Variants in KBTBD12 observed in about 807,000 individuals in gnomAD.
KBTBD12 encodes kelch repeat and BTB domain-containing protein 12.
KBTBD12 carries 53 observed loss-of-function variants against 58.7 expected under a neutral mutation model. The ratio of observed to expected loss-of-function variants is 0.90; its 90% CI spans 0.72 to 1.14. The LOEUF (loss-of-function observed/expected upper bound fraction) is 1.14. KBTBD12 is among the 50% of genes most tolerant of loss of function. The pLI is 0.00. For synonymous variants in KBTBD12, 236 were observed against 259.8 expected (o/e 0.91, Z 0.88); for missense variants, 704 against 751.3 (o/e 0.94, Z 0.74).
intron 4 of KBTBD12, among the ~76,000 whole-genome samples, chr3:127,939,310 G>A (rs1939897032): frequency 6.6e-6 from 1 of 152,100 alleles, no homozygotes; most frequent in South Asian, 2.1e-4. Flanking sequence ...AGCCCAACAA[G>A]CTTCCAAATG....
At chr3:127,939,511 A>G (rs1440469343) in intron 4 of KBTBD12, among the ~76,000 whole-genome samples, 1 of 152,166 alleles carries the variant, frequency 6.6e-6, no homozygotes, top group Non-Finnish European at 1.5e-5. Flanking sequence ...TATAAGGCGA[A>G]GATTCCAACA....
chr3:127,937,111 G>A (rs1939845794), intron 4 of KBTBD12, among the ~76,000 whole-genome samples: 1 of 151,994 alleles, frequency 6.6e-6, no homozygotes, highest in African/African-American at 2.4e-5. Flanking sequence ...AGGAAAATAA[G>A]CATTCCACAG....
intron 4 of KBTBD12, among the ~76,000 whole-genome samples, chr3:127,960,030 C>T (rs1434771327): frequency 6.6e-6 from 1 of 152,192 alleles, no homozygotes; most frequent in Non-Finnish European, 1.5e-5. Context: ...TTACAAACCC[C>T]CACCTCCTGT....
chr3:127,970,510 A>C (rs1940664636), intron 5 of KBTBD12, among the ~76,000 whole-genome samples: 1 of 152,252 alleles, frequency 6.6e-6, no homozygotes, highest in Non-Finnish European at 1.5e-5. Flanking sequence ...AAAAGTGGAA[A>C]CAACCCAAGT....
intron 2 of KBTBD12, among the ~76,000 whole-genome samples, chr3:127,925,004 G>A (rs908573464): frequency 6.6e-6 from 1 of 152,122 alleles, no homozygotes; most frequent in South Asian, 2.1e-4. Context: ...CTTTTACCAT[G>A]GTTTGTTCAG....
At chr3:127,939,662 T>A (rs1314294364) in intron 4 of KBTBD12, among the ~76,000 whole-genome samples, 1 of 151,452 alleles carries the variant, frequency 6.6e-6, no homozygotes, top group East Asian at 1.9e-4. Flanking sequence ...GAAAAATGTT[T>A]AAATAATTTA....
intron 5 of KBTBD12, among the ~76,000 whole-genome samples, chr3:127,983,613 C>T (rs1940913157): frequency 6.6e-6 from 1 of 152,080 alleles, no homozygotes; most frequent in African/African-American, 2.4e-5. Flanking sequence ...ATTAGCCAGG[C>T]ATGGTGGCAT....
chr3:127,951,859 T>C (rs1244404282), intron 4 of KBTBD12, among the ~76,000 whole-genome samples: 2 of 152,212 alleles, frequency 1.3e-5, no homozygotes, highest in African/African-American at 4.8e-5. Context: ...TAGAGGGCAG[T>C]ATAAAGGCAT....
At chr3:127,971,995 C>T (rs977073803) in intron 5 of KBTBD12, among the ~76,000 whole-genome samples, 5 of 152,050 alleles carry the variant, frequency 3.3e-5, no homozygotes, top group Non-Finnish European at 7.4e-5. Flanking sequence ...AAAAGCCTGT[C>T]GAGGACAAAT....
intron 2 of KBTBD12, among the ~76,000 whole-genome samples, 169 bp downstream of exon 2, chr3:127,924,300 G>A (rs1349596609): frequency 6.7e-6 from 1 of 149,316 alleles, no homozygotes. Flanking sequence ...GTCTGTGTGT[G>A]TGTGTATACA....
At chr3:127,924,549 G>A (rs1308853348) in intron 2 of KBTBD12, among the ~76,000 whole-genome samples, 1 of 151,660 alleles carries the variant, frequency 6.6e-6, no homozygotes, top group African/African-American at 2.4e-5. Context: ...TCCATATATA[G>A]GGTTTAATAT....
intron 1 of KBTBD12, among the ~76,000 whole-genome samples, chr3:127,920,729 CAAAAT>C (rs1188208870): frequency 1.3e-5 from 2 of 151,160 alleles, no homozygotes; most frequent in African/African-American, 4.9e-5. Context: ...GTCCATTTCT[CAAAAT>C]GAAATATAGT....
intron 4 of KBTBD12, among the ~76,000 whole-genome samples, chr3:127,940,324 T>C (rs1410368047): frequency 6.6e-6 from 1 of 152,092 alleles, no homozygotes; most frequent in Non-Finnish European, 1.5e-5. Flanking sequence ...TTCACCAAGA[T>C]AGACCATATC....
intron 5 of KBTBD12, among the ~76,000 whole-genome samples, chr3:127,964,655 A>AAAAG (rs1559772638): frequency 6.7e-6 from 1 of 148,834 alleles, no homozygotes; most frequent in African/African-American, 2.5e-5. Context: ...AAAAAAAAAA[A>AAAAG]AAAGAAAGAA....
intron 4 of KBTBD12, among the ~76,000 whole-genome samples, chr3:127,956,132 T>C (rs561564486): frequency 6.6e-6 from 1 of 152,226 alleles, no homozygotes; most frequent in Non-Finnish European, 1.5e-5. Context: ...TGGCTCATTA[T>C]GTTTTTGCTA....
At position 127,945,164 on chromosome 3, in the gene KBTBD12, C is replaced by CTTTTTTTTTTTTTTTT. The variant is rs56216317; in HGVS notation, c.1492+14904_1492+14919dup. On this transcript the variant is annotated intron_variant, in intron 4 of 5. Coordinates refer to ENST00000405109, the MANE Select transcript of KBTBD12 (RefSeq NM_207335.4). The stretch of plus-strand genomic sequence containing the variant: ...TGTTTTTTTTAAAAATAGTAGCTAT[C>CTTTTTTTTTTTTTTTT]TTTTTTTTTTTTTTTTTTTTTTTTT... Among the ~76,000 whole-genome samples the CTTTTTTTTTTTTTTTT allele has an allele frequency of 1.1e-3, 33 of 28,772 alleles. 14 individuals carry two copies. The highest frequency in any genetic ancestry group is 1.8e-3 in the Non-Finnish European group (26 of 14,564). 18.9% of individuals were successfully genotyped at this position (28,772 alleles called of 152,430 possible). A position where few individuals can be genotyped will look rare whatever the true frequency, so the allele number is the denominator to read the frequency against.
At chr3:127,935,341 A>AT (rs1476543387) in intron 4 of KBTBD12, among the ~76,000 whole-genome samples, 2 of 152,168 alleles carry the variant, frequency 1.3e-5, no homozygotes, top group East Asian at 3.9e-4. Context: ...AAATGGGGTT[A>AT]TTTTGGAACA....
At chr3:127,930,084 A>T in intron 3 of KBTBD12, 49 bp from the exon 4 acceptor site, 1 of 1,511,758 alleles carries the variant, frequency 6.6e-7, no homozygotes, top group Non-Finnish European at 9.0e-7. Flanking sequence ...TGTACTCACA[A>T]AGATTGCTAA....
At chr3:127,943,602 T>C (rs1248637774) in intron 4 of KBTBD12, among the ~76,000 whole-genome samples, 1 of 152,174 alleles carries the variant, frequency 6.6e-6, no homozygotes, top group Non-Finnish European at 1.5e-5. Context: ...TTAACCCTTT[T>C]CAGATACATG....
Sources: allele counts gnomAD v4.1 joint callset (sites outside exome capture counted in the v4.1 genomes callset), GRCh38; gene constraint gnomAD v4.1.1; transcripts MANE v1.5; gene names NCBI Gene and HGNC (gene_info 2026-07-23, HGNC 2026-07-21).